SLC1A3: variants seen among roughly 807,000 people sequenced by gnomAD.
SLC1A3 encodes excitatory amino acid transporter 1.
A neutral mutation model predicts 48.1 loss-of-function variants in SLC1A3; 21 were observed. The ratio of observed to expected loss-of-function variants is 0.44; its 90% CI spans 0.31 to 0.63. The LOEUF (loss-of-function observed/expected upper bound fraction) is 0.63. SLC1A3 is among the 20% of genes least tolerant of loss of function. SLC1A3 has a pLI of 0.08. For missense variants in SLC1A3, 546 were observed against 689.0 expected (o/e 0.79, Z 2.32); for synonymous variants, 239 against 251.4 (o/e 0.95, Z 0.47).
chr5:36,626,833 A>G (rs994864281), intron 2 of SLC1A3, among the ~76,000 whole-genome samples: 3 of 152,238 alleles, frequency 2.0e-5, no homozygotes, highest in African/African-American at 7.2e-5. Context: ...CACATTGTAA[A>G]TCAGAATTAA....
At chr5:36,643,903 A>C (rs1285069992) in intron 3 of SLC1A3, among the ~76,000 whole-genome samples, 2 of 152,142 alleles carry the variant, frequency 1.3e-5, no homozygotes, top group Non-Finnish European at 2.9e-5. Flanking sequence ...CTGAGGCAGG[A>C]GAATTGCTTG....
intron 3 of SLC1A3, among the ~76,000 whole-genome samples, chr5:36,639,831 C>G (rs1218529747): frequency 2.6e-5 from 4 of 152,196 alleles, no homozygotes; most frequent in Non-Finnish European, 5.9e-5. Flanking sequence ...GTACGCTGCG[C>G]ATGCACGCAC....
chr5:36,659,579 G>T (rs1178982500), intron 3 of SLC1A3, among the ~76,000 whole-genome samples: 1 of 152,166 alleles, frequency 6.6e-6, no homozygotes, highest in African/African-American at 2.4e-5. Context: ...GGGGAGCCAG[G>T]ATTCAAGCCA....
intron 3 of SLC1A3, among the ~76,000 whole-genome samples, chr5:36,636,535 T>TTC (rs563631418): frequency 5.4e-5 from 8 of 147,674 alleles, no homozygotes; most frequent in South Asian, 2.2e-4. Context: ...CTCTTTCCTT[T>TTC]TCTCTCTCTC....
At chr5:36,624,974 C>T (rs111596521) in intron 2 of SLC1A3, among the ~76,000 whole-genome samples, 10 of 152,200 alleles carry the variant, frequency 6.6e-5, no homozygotes, top group African/African-American at 2.4e-4. Context: ...TGCTAAAGAC[C>T]CAGGAACCAG....
At chr5:36,627,006 G>A (rs1579965666) in intron 2 of SLC1A3, among the ~76,000 whole-genome samples, 1 of 152,106 alleles carries the variant, frequency 6.6e-6, no homozygotes, top group East Asian at 1.9e-4. Flanking sequence ...AATAAAAAAG[G>A]TGTGCAGACA....
chr5:36,626,297 G>A (rs1426735640), intron 2 of SLC1A3, among the ~76,000 whole-genome samples: 2 of 152,164 alleles, frequency 1.3e-5, no homozygotes, highest in Non-Finnish European at 2.9e-5. Context: ...GCCCTTGTTT[G>A]ACTTTTGCTT....
intron 2 of SLC1A3, among the ~76,000 whole-genome samples, chr5:36,625,382 A>C (rs913575137): frequency 6.6e-6 from 1 of 152,172 alleles, no homozygotes; most frequent in Admixed American, 6.5e-5. Flanking sequence ...TGCTTGAACC[A>C]GGAGGCGGAG....
At chr5:36,608,644 T>C (rs111988107) in intron 2 of SLC1A3, 40 bp downstream of exon 2, 2 of 1,609,440 alleles carry the variant, frequency 1.2e-6, no homozygotes, top group South Asian at 2.2e-5. Context: ...CTGTATCTTG[T>C]TTCTCTGGGG....
intron 3 of SLC1A3, among the ~76,000 whole-genome samples, chr5:36,643,999 A>G (rs915654862): frequency 6.7e-6 from 1 of 149,314 alleles, no homozygotes; most frequent in Non-Finnish European, 1.5e-5. Flanking sequence ...GCAACAGGGC[A>G]AGACTCCGTC....
chr5:36,624,443 C>T (rs866416139), intron 2 of SLC1A3, among the ~76,000 whole-genome samples: 4 of 152,268 alleles, frequency 2.6e-5, no homozygotes, highest in African/African-American at 9.6e-5. Context: ...GCACGTAACC[C>T]CTCTTTAAGC....
intron 3 of SLC1A3, among the ~76,000 whole-genome samples, chr5:36,640,220 T>C (rs911922840): frequency 2.0e-5 from 3 of 152,236 alleles, no homozygotes; most frequent in African/African-American, 7.2e-5. Flanking sequence ...ACCTGAATGA[T>C]CTTCCAATTT....
At chr5:36,622,545 A>G (rs532936223) in intron 2 of SLC1A3, among the ~76,000 whole-genome samples, 5 of 152,274 alleles carry the variant, frequency 3.3e-5, no homozygotes, top group South Asian at 2.1e-4. Context: ...AATATTTTCA[A>G]TAGTTTTATC....
intron 5 of SLC1A3, among the ~76,000 whole-genome samples, chr5:36,675,268 C>G (rs1742160167): frequency 6.6e-6 from 1 of 151,260 alleles, no homozygotes; most frequent in Non-Finnish European, 1.5e-5. Context: ...AAAAAATAAG[C>G]CTGAGGCCAA....
chr5:36,666,456 T>C (rs1014297483), intron 3 of SLC1A3: 5 of 152,258 alleles, frequency 3.3e-5, no homozygotes. Context: ...ATCACTCTTT[T>C]CTTTCCTTCT....
intron 3 of SLC1A3, among the ~76,000 whole-genome samples, chr5:36,652,598 G>C (rs1242954536): frequency 6.6e-6 from 1 of 152,142 alleles, no homozygotes; most frequent in Non-Finnish European, 1.5e-5. Context: ...GTCTTCTGAA[G>C]CCTCCAGAGA....
At chr5:36,642,714 C>T (rs952075445) in intron 3 of SLC1A3, among the ~76,000 whole-genome samples, 4 of 152,122 alleles carry the variant, frequency 2.6e-5, no homozygotes, top group African/African-American at 4.8e-5. Context: ...CATCACCCCC[C>T]GATTCCCCCA....
In SLC1A3 at chr5:36,671,236, A is replaced by G. The variant is rs1320849501; in HGVS notation, c.524+3A>G. ...GATGCCTTCCTGGACTTGATCAGGT[A>G]TGTCCTTGCAAGCCCGTCCTTTGGG... On this transcript the variant is annotated splice_donor_region_variant and intron_variant, in intron 4 of 9. Transcript: ENST00000265113. The G allele has an allele frequency of 2.5e-6, 4 of 1,609,938 alleles. No individual in the cohort carries two copies. Among genetic ancestry groups the G allele is most frequent in the Non-Finnish European group, 3.4e-6 (4 of 1,176,564 alleles).
intron 1 of SLC1A3, among the ~76,000 whole-genome samples, chr5:36,599,844 T>C (rs12173139): frequency 0.047 from 7,101 of 151,214 alleles, 243 homozygotes; most frequent in Non-Finnish European, 0.06. Flanking sequence ...TGAGACGGAG[T>C]TTCGCTCTCG....
Sources: gnomAD v4.1 joint callset for allele counts (sites outside exome capture counted in the v4.1 genomes callset) on GRCh38, gnomAD v4.1.1 for gene constraint, MANE v1.5 for transcripts, NCBI Gene and HGNC (gene_info 2026-07-23, HGNC 2026-07-21) for gene names.